The following RAPGEF2 variants were observed in gnomAD, a reference collection of about 807,000 sequenced individuals.
The protein encoded by RAPGEF2 is Rap guanine nucleotide exchange factor 2.
A neutral mutation model predicts 186.7 loss-of-function variants in RAPGEF2; 54 were observed. The ratio of observed to expected loss-of-function variants is 0.29; its 90% CI spans 0.23 to 0.36. The LOEUF (loss-of-function observed/expected upper bound fraction) is 0.36. RAPGEF2 is among the 10% of genes least tolerant of loss of function. The pLI is 1.00. For synonymous variants in RAPGEF2, 712 were observed against 705.9 expected (o/e 1.01, Z -0.14); for missense variants, 1,532 against 2,045.0 (o/e 0.75, Z 4.84).
chr4:159,141,665 A>G (rs2111164475), intron 1 of RAPGEF2, among the ~76,000 whole-genome samples: 1 of 152,172 alleles, frequency 6.6e-6, no homozygotes, highest in African/African-American at 2.4e-5. Flanking sequence ...ACCAGTTTAT[A>G]TTTCCACCAA....
chr4:159,302,606 T>G (rs1762807294), intron 7 of RAPGEF2, among the ~76,000 whole-genome samples: 1 of 152,176 alleles, frequency 6.6e-6, no homozygotes, highest in South Asian at 2.1e-4. Flanking sequence ...ATTATAGTCA[T>G]TAATACATAT....
chr4:159,265,153 A>C (rs989836100), intron 7 of RAPGEF2, among the ~76,000 whole-genome samples: 4 of 152,150 alleles, frequency 2.6e-5, no homozygotes, highest in Admixed American at 6.5e-5. Context: ...AGTCAGTGGA[A>C]GGTTCACTCA....
At chr4:159,341,497 T>G in intron 19 of RAPGEF2, 67 bp from the exon 20 acceptor site, 1 of 1,462,906 alleles carries the variant, frequency 6.8e-7, no homozygotes, top group Non-Finnish European at 9.2e-7. Flanking sequence ...AGTAGCATTA[T>G]TCTTTCAAGG....
intron 17 of RAPGEF2, among the ~76,000 whole-genome samples, chr4:159,336,157 A>T (rs974506301): frequency 2.0e-5 from 3 of 149,668 alleles, no homozygotes; most frequent in South Asian, 2.1e-4. Context: ...AATTGTCTTT[A>T]TTTTTTTTTT....
chr4:159,331,788 T>C lies in RAPGEF2; in HGVS notation c.1734T>C (p.Asp578=). 6.2e-7 allele frequency: 1 copy of C among 1,614,108 alleles called. No individual in the cohort carries two copies. The highest frequency in any genetic ancestry group is 8.5e-7 in the Non-Finnish European group (1 of 1,180,002). Residue 578 remains aspartate (D), a synonymous_variant, in exon 15 of 30, where the codon GAT becomes GAC. Coordinates refer to ENST00000691494, the MANE Select transcript of RAPGEF2 (RefSeq NM_001394067.2). The part of the protein sequence containing the change: ...KGFGIFVDSV[D]SGSKATEAGL... ...TTGGAATCTTTGTTGACAGTGTAGA[T>C]TCAGGTAGCAAAGCAACTGAAGCAG...
At chr4:159,204,703 T>C (rs549774209) in intron 3 of RAPGEF2, among the ~76,000 whole-genome samples, 3 of 152,246 alleles carry the variant, frequency 2.0e-5, no homozygotes, top group Admixed American at 1.3e-4. Context: ...GTGACTTCCG[T>C]TTTGTCCATT....
chr4:159,151,108 A>T (rs1366333221), intron 1 of RAPGEF2, among the ~76,000 whole-genome samples: 1 of 152,236 alleles, frequency 6.6e-6, no homozygotes, highest in Non-Finnish European at 1.5e-5. Context: ...TACTTCAAGT[A>T]TTAGTGTAAT....
chr4:159,267,839 A>G (rs775690870), intron 7 of RAPGEF2: 136 of 1,059,432 alleles, frequency 1.3e-4, no homozygotes, highest in South Asian at 8.0e-4. Context: ...TTGTTCTTCA[A>G]TCTCAGAAAT....
At chr4:159,157,221 T>G (rs573928419) in intron 1 of RAPGEF2, among the ~76,000 whole-genome samples, 1 of 152,280 alleles carries the variant, frequency 6.6e-6, no homozygotes, top group East Asian at 1.9e-4. Context: ...AACCATGAAG[T>G]TAGGACTGCA....
intron 7 of RAPGEF2, among the ~76,000 whole-genome samples, chr4:159,298,371 AAGG>A (rs1473112502): frequency 6.6e-6 from 1 of 152,206 alleles, no homozygotes; most frequent in Non-Finnish European, 1.5e-5. Context: ...GGGGTTATGA[AAGG>A]AGCCAAAATT....
intron 1 of RAPGEF2, among the ~76,000 whole-genome samples, chr4:159,154,494 A>G (rs1160316149): frequency 1.4e-5 from 2 of 144,028 alleles, no homozygotes; most frequent in African/African-American, 5.2e-5. Context: ...CTCTCCTTCC[A>G]CTCACATCAC....
At chr4:159,228,503 T>C (rs1371597519) in intron 4 of RAPGEF2, 1 of 152,200 alleles carries the variant, frequency 6.6e-6, no homozygotes, top group Admixed American at 6.5e-5. Flanking sequence ...AATTTTTATC[T>C]TGTACTCTAT....
intron 1 of RAPGEF2, among the ~76,000 whole-genome samples, chr4:159,148,785 G>T (rs1184190973): frequency 6.6e-6 from 1 of 152,026 alleles, no homozygotes; most frequent in African/African-American, 2.4e-5. Flanking sequence ...GTCAAGAACA[G>T]GTCTAGAAGA....
intron 7 of RAPGEF2, chr4:159,267,129 G>GC: frequency 8.0e-7 from 1 of 1,256,114 alleles, no homozygotes; most frequent in Non-Finnish European, 1.0e-6. Context: ...CACTAGAACT[G>GC]CATTGAGTGT....
chr4:159,123,982 G>T (rs1056288161), intron 1 of RAPGEF2, among the ~76,000 whole-genome samples: 5 of 151,734 alleles, frequency 3.3e-5, no homozygotes, highest in African/African-American at 1.2e-4. Context: ...CAGCCTCCCA[G>T]GTTGCTGGAA....
chr4:159,147,035 C>T (rs1031715304), intron 1 of RAPGEF2, among the ~76,000 whole-genome samples: 4 of 152,324 alleles, frequency 2.6e-5, no homozygotes, highest in East Asian at 1.9e-4. Flanking sequence ...TGGCATCAAG[C>T]GTTTCCTCCC....
intron 1 of RAPGEF2, among the ~76,000 whole-genome samples, chr4:159,129,878 A>G (rs1170743292): frequency 6.6e-6 from 1 of 152,220 alleles, no homozygotes; most frequent in East Asian, 1.9e-4. Context: ...AAGTATGGGA[A>G]TAAAAGAACG....
intron 7 of RAPGEF2, among the ~76,000 whole-genome samples, chr4:159,245,367 G>T (rs562385067): frequency 6.6e-6 from 1 of 151,916 alleles, no homozygotes; most frequent in Non-Finnish European, 1.5e-5. Context: ...GATTGAGGCC[G>T]TATTTCAAAT....
In RAPGEF2 at chr4:159,359,665, T is replaced by C. The variant is rs560332341; in HGVS notation, c.*1526T>C. 6.6e-6 allele frequency: 1 copy of C among 152,346 alleles called. No individual in the cohort carries two copies. Among genetic ancestry groups the C allele is most frequent in the Admixed American group, 6.5e-5 (1 of 15,306 alleles). The allele number at this position is 152,346 out of a possible 1,614,324, so 9.4% of individuals were successfully genotyped here. A position where few individuals can be genotyped will look rare whatever the true frequency, so the allele number is the denominator to read the frequency against. ...GTGGAATTGCAGTGTTTTTTCACTG[T>C]ATCAAACAATGTCAGTGCTTTATTT... On this transcript the variant is annotated 3_prime_UTR_variant, in exon 30 of 30. Coordinates refer to ENST00000691494, the MANE Select transcript of RAPGEF2 (RefSeq NM_001394067.2).
Sources: gnomAD v4.1 joint callset for allele counts (sites outside exome capture counted in the v4.1 genomes callset) on GRCh38, gnomAD v4.1.1 for gene constraint, MANE v1.5 for transcripts, NCBI Gene and HGNC (gene_info 2026-07-23, HGNC 2026-07-21) for gene names.